The following CWC25 variants were observed in gnomAD, a reference collection of about 807,000 sequenced individuals.
CWC25 encodes CWC25 spliceosome associated protein, also known as pre-mRNA-splicing factor CWC25 homolog.
In CWC25, 31 loss-of-function variants were observed where a neutral mutation model predicts 54.6. The ratio of observed to expected loss-of-function variants is 0.57; its 90% CI spans 0.43 to 0.77. The LOEUF (loss-of-function observed/expected upper bound fraction) is 0.77. CWC25 is among the 30% of genes least tolerant of loss of function. The pLI is 0.00. For synonymous variants in CWC25, 151 were observed against 187.0 expected, an observed-to-expected ratio of 0.81 and a Z score of 1.57; for missense variants, 453 against 529.3, an observed-to-expected ratio of 0.86 and a Z score of 1.41.
chr17:38,804,301 T>G (rs1270749018), intron 8 of CWC25, among the ~76,000 whole-genome samples: 1 of 152,136 alleles, frequency 6.6e-6, no homozygotes, highest in Non-Finnish European at 1.5e-5. Flanking sequence ...AAGATAGGGA[T>G]AGAAGAAACA....
chr17:38,821,727 C>T (rs1301302173), intron 1 of CWC25, among the ~76,000 whole-genome samples: 4 of 151,780 alleles, frequency 2.6e-5, no homozygotes, highest in African/African-American at 7.3e-5. Context: ...AGCAGGAAGG[C>T]ACATATTTTG....
At chr17:38,823,723 C>T (rs1315057220) in intron 1 of CWC25, among the ~76,000 whole-genome samples, 2 of 152,152 alleles carry the variant, frequency 1.3e-5, no homozygotes, top group Non-Finnish European at 2.9e-5. Flanking sequence ...CACTCCCTCC[C>T]TCTTTCTCCC....
intron 2 of CWC25, among the ~76,000 whole-genome samples, chr17:38,819,074 A>C (rs76353557): frequency 0.11 from 16,639 of 152,108 alleles, 2,501 homozygotes; most frequent in African/African-American, 0.34. Flanking sequence ...CCCAGGCCGA[A>C]GTCAGTGGCA....
At position 38,812,738 on chromosome 17, in the gene CWC25, G is replaced by A. The variant is rs73985023; in HGVS notation, c.498+57C>T. On this transcript the variant is annotated intron_variant, in intron 4 of 9. Transcript: ENST00000614790. ...GTAAGCTGAGAGTAAATGGAGAGAC[G>A]TTCTCACGTTATATGGCTAAAAGAT... 15,395 of 1,013,594 alleles carry A rather than the reference G, an allele frequency of 0.015. 1,567 individuals carry two copies. The African/African-American group carries it at 0.22, about 14-fold the overall frequency. The allele number at this position is 1,013,594 out of a possible 1,614,324, so 62.8% of individuals were successfully genotyped here.
chr17:38,815,512 A>G (rs1911662019), intron 2 of CWC25: 1 of 483,140 alleles, frequency 2.1e-6, no homozygotes, highest in Non-Finnish European at 3.9e-6. Context: ...AGATCACGCC[A>G]CTGCACTCCA....
intron 7 of CWC25, 118 bp from the exon 8 acceptor site, chr17:38,806,513 A>G: frequency 1.1e-6 from 1 of 943,552 alleles, no homozygotes; most frequent in South Asian, 1.6e-5. Context: ...TAAGTGTGAG[A>G]AAAACAAAGG....
At position 38,802,129 on chromosome 17, in the gene CWC25, G is replaced by T. The variant is rs1007669546; in HGVS notation, c.1241C>A (p.Thr414Asn). 1 of 1,613,662 alleles carries T rather than the reference G, an allele frequency of 6.2e-7. No homozygotes were observed. The highest frequency in any genetic ancestry group is 1.3e-5 in the African/African-American group (1 of 75,040). ...VKRNIYSLQR[T>N]SVALEKNFMK... is the part of the protein sequence containing the mutation. ...AAAGTTCTTCTCCAGAGCTACCGAA[G>T]TTCTCTGTAAAGAGTAGATATTCCG... Residue 414 changes from threonine (T) to asparagine (N), a missense_variant, in exon 10 of 10, where the codon ACT becomes AAT. This residue lies in a region of CWC25 where 444 missense variants were observed against 499.2 expected (regional missense o/e 0.89). Coordinates refer to ENST00000614790, the MANE Select transcript of CWC25 (RefSeq NM_017748.5).
At position 38,819,014 on chromosome 17, in the gene CWC25, CTTAT is replaced by C. The variant is rs35573113; in HGVS notation, c.191+1883_191+1886del. Among the ~76,000 whole-genome samples the C allele has an allele frequency of 3.4e-3, 517 of 150,260 alleles. 3 individuals are homozygous for C. Among genetic ancestry groups the C allele is most frequent in the Non-Finnish European group, 6.1e-3 (414 of 67,544 alleles). On this transcript the variant is annotated intron_variant, in intron 2 of 9. Coordinates refer to ENST00000614790, the MANE Select transcript of CWC25 (RefSeq NM_017748.5). Reference sequence around the variant, plus strand: ...GTATTCAGTCTAAAATCAATTTTTACTTATTTATTTATTTATTTATTTACTTAGA... The same window carrying C: ...GTATTCAGTCTAAAATCAATTTTTACTTATTTATTTATTTATTTACTTAGA...
intron 6 of CWC25, among the ~76,000 whole-genome samples, chr17:38,809,073 A>C (rs1344674325): frequency 6.7e-6 from 1 of 149,800 alleles, no homozygotes; most frequent in Non-Finnish European, 1.5e-5. Flanking sequence ...ATAATGATGC[A>C]CTGCTACTCA....
rs1052976830 is a variant in CWC25, at chr17:38,806,914, C to A, written c.753G>T (p.Gly251=). ...ATCTGGAATGGTTCTTCATCCCATG[C>A]CCTCTCTTTTGCTCTGCTGTCAGAG... ...QGPLTAEQKR[G]HGMKNHSRSR... The change falls in exon 7 of 10, where the codon GGG becomes GGT. Residue 251 remains glycine (G), a synonymous_variant. Transcript: ENST00000614790. 1 of 1,613,952 alleles carries A rather than the reference C, an allele frequency of 6.2e-7. No homozygotes were observed. The highest frequency in any genetic ancestry group is 1.1e-5 in the South Asian group (1 of 91,084).
At chr17:38,809,905 ATT>A in intron 5 of CWC25, 140 bp from the exon 6 acceptor site, 1 of 720,794 alleles carries the variant, frequency 1.4e-6, no homozygotes, top group Non-Finnish European at 2.3e-6. Context: ...ACGTTTCTCT[ATT>A]TGGACTGTCT....
At chr17:38,803,765 C>T (rs1162465520) in intron 8 of CWC25, among the ~76,000 whole-genome samples, 1 of 148,542 alleles carries the variant, frequency 6.7e-6, no homozygotes, top group Non-Finnish European at 1.5e-5. Flanking sequence ...TTGCCAGGCA[C>T]AGTGGCTCTA....
chr17:38,822,353 G>A (rs1354116425), intron 1 of CWC25, among the ~76,000 whole-genome samples: 2 of 151,988 alleles, frequency 1.3e-5, no homozygotes, highest in East Asian at 1.9e-4. Flanking sequence ...ATGAGCTACC[G>A]TGCCTGGCAT....
chr17:38,823,252 T>A (rs1286215567), intron 1 of CWC25, among the ~76,000 whole-genome samples: 1 of 148,050 alleles, frequency 6.8e-6, no homozygotes, highest in Non-Finnish European at 1.5e-5. Context: ...CTCCACCTCC[T>A]GGGTTCAAGC....
chr17:38,805,421 G>A (rs1016180017), intron 8 of CWC25, among the ~76,000 whole-genome samples: 23 of 152,182 alleles, frequency 1.5e-4, no homozygotes, highest in Non-Finnish European at 3.4e-4. Context: ...TGGGTAGCAT[G>A]ACTAAAAGTG....
At chr17:38,814,346 T>C (rs111394322) in intron 3 of CWC25, among the ~76,000 whole-genome samples, 20,168 of 150,290 alleles carry the variant, frequency 0.13, 3,902 homozygotes, top group African/African-American at 0.43. Context: ...TGCAGTGGCG[T>C]GATCTCGGCT....
At chr17:38,815,732 C>A in intron 2 of CWC25, 5 of 1,243,462 alleles carry the variant, frequency 4.0e-6, no homozygotes, top group Non-Finnish European at 4.2e-6. Context: ...GCTTTCATTT[C>A]CAAGATGACC....
intron 8 of CWC25, among the ~76,000 whole-genome samples, chr17:38,804,591 G>C (rs921622388): frequency 2.0e-5 from 3 of 152,076 alleles, no homozygotes; most frequent in African/African-American, 7.2e-5. Context: ...CAGATCACCT[G>C]ACCTCAGGAG....
intron 6 of CWC25, 55 bp downstream of exon 6, chr17:38,809,647 A>G: frequency 6.5e-7 from 1 of 1,542,974 alleles, no homozygotes; most frequent in Non-Finnish European, 8.9e-7. Context: ...ACATTGTCCA[A>G]GTGGCACATC....
Sources: allele counts gnomAD v4.1 joint callset (sites outside exome capture counted in the v4.1 genomes callset), GRCh38; gene constraint gnomAD v4.1.1; regional missense constraint gnomAD v4.1.1; transcripts MANE v1.5; gene names NCBI Gene and HGNC (gene_info 2026-07-23, HGNC 2026-07-21).